The following FAM53B variants were observed in gnomAD, a reference collection of about 807,000 sequenced individuals.
FAM53B encodes family with sequence similarity 53 member B.
Under a neutral mutation model 32.7 loss-of-function variants are expected in FAM53B, and 12 were observed. The ratio of observed to expected loss-of-function variants is 0.37; its 90% CI spans 0.24 to 0.59. FAM53B has a LOEUF of 0.59. FAM53B is among the 20% of genes least tolerant of loss of function. The probability of loss-of-function intolerance (pLI) is 0.72; values close to 1 mark genes in which losing one functional copy is unlikely to be tolerated. For missense variants in FAM53B, 477 were observed against 577.7 expected, an observed-to-expected ratio of 0.83 and a Z score of 1.79; for synonymous variants, 234 against 228.7, an observed-to-expected ratio of 1.02 and a Z score of -0.21.
intron 4 of FAM53B, among the ~76,000 whole-genome samples, chr10:124,664,450 G>A (rs1949655707): frequency 6.6e-6 from 1 of 152,238 alleles, no homozygotes; most frequent in African/African-American, 2.4e-5. Context: ...GGGCCGGGAA[G>A]GCAGAGACCT....
At chr10:124,700,559 A>G (rs1440771669) in intron 2 of FAM53B, among the ~76,000 whole-genome samples, 1 of 152,122 alleles carries the variant, frequency 6.6e-6, no homozygotes, top group East Asian at 1.9e-4. Flanking sequence ...CGTCTCTGTG[A>G]GACTCCTCAG....
At chr10:124,712,551 G>A (rs532197910) in intron 1 of FAM53B, among the ~76,000 whole-genome samples, 1 of 151,990 alleles carries the variant, frequency 6.6e-6, no homozygotes, top group Non-Finnish European at 1.5e-5. Context: ...CTTGCATCTC[G>A]GCTGCAGTTT....
At chr10:124,692,714 C>CAAAAAA (rs5788679) in intron 3 of FAM53B, among the ~76,000 whole-genome samples, 12 of 69,042 alleles carry the variant, frequency 1.7e-4, no homozygotes, top group African/African-American at 4.6e-4. Flanking sequence ...TACTCCATCT[C>CAAAAAA]AAAAAAAAAA....
chr10:124,654,238 C>T (rs1244129106), intron 4 of FAM53B, among the ~76,000 whole-genome samples: 1 of 152,254 alleles, frequency 6.6e-6, no homozygotes, highest in Non-Finnish European at 1.5e-5. Context: ...CGATTGTCAT[C>T]GTCATGCAAC....
At chr10:124,669,527 A>G (rs1949694094) in intron 4 of FAM53B, among the ~76,000 whole-genome samples, 1 of 152,204 alleles carries the variant, frequency 6.6e-6, no homozygotes, top group African/African-American at 2.4e-5. Context: ...AGGATGTGGT[A>G]AGTAACAGCC....
At chr10:124,684,216 A>C (rs1421741677) in intron 3 of FAM53B, among the ~76,000 whole-genome samples, 1 of 152,276 alleles carries the variant, frequency 6.6e-6, no homozygotes. Flanking sequence ...AGCCCAGGCA[A>C]GCCAGCTGCA....
intron 4 of FAM53B, among the ~76,000 whole-genome samples, chr10:124,648,694 G>A (rs1949536624): frequency 6.6e-6 from 1 of 152,288 alleles, no homozygotes; most frequent in Non-Finnish European, 1.5e-5. Flanking sequence ...TTGCAGATGA[G>A]CAAACAGGCT....
intron 4 of FAM53B, among the ~76,000 whole-genome samples, chr10:124,625,841 C>G (rs1311711264): frequency 1.3e-5 from 2 of 152,236 alleles, no homozygotes; most frequent in African/African-American, 4.8e-5. Context: ...GCTGCCCCGA[C>G]AGAGGAGGCC....
At chr10:124,727,121 C>A (rs1270161418) in intron 1 of FAM53B, among the ~76,000 whole-genome samples, 3 of 152,082 alleles carry the variant, frequency 2.0e-5, no homozygotes, top group African/African-American at 7.2e-5. Flanking sequence ...CAGGCTCAAG[C>A]GATCCTCCCG....
chr10:124,712,199 T>C (rs1950008940), intron 1 of FAM53B, among the ~76,000 whole-genome samples: 1 of 151,890 alleles, frequency 6.6e-6, no homozygotes, highest in Non-Finnish European at 1.5e-5. Flanking sequence ...TACTAAAAAA[T>C]GCAAAAATTA....
intron 4 of FAM53B, among the ~76,000 whole-genome samples, chr10:124,676,315 C>T (rs1949736047): frequency 6.6e-6 from 1 of 152,208 alleles, no homozygotes; most frequent in South Asian, 2.1e-4. Context: ...CCTCTGAATT[C>T]CTCTACTTGC....
intron 1 of FAM53B, among the ~76,000 whole-genome samples, chr10:124,724,537 A>G (rs1300808056): frequency 6.6e-6 from 1 of 152,198 alleles, no homozygotes; most frequent in Non-Finnish European, 1.5e-5. Flanking sequence ...CAGGCAAACA[A>G]GCTGAGCTAT....
At chr10:124,667,736 C>T (rs531819766) in intron 4 of FAM53B, among the ~76,000 whole-genome samples, 1 of 152,232 alleles carries the variant, frequency 6.6e-6, no homozygotes, top group Non-Finnish European at 1.5e-5. Flanking sequence ...AATAATGCCT[C>T]CAGAAATGCC....
intron 4 of FAM53B, among the ~76,000 whole-genome samples, chr10:124,659,863 A>G (rs1167436291): frequency 6.6e-6 from 1 of 152,244 alleles, no homozygotes; most frequent in East Asian, 1.9e-4. Context: ...CTGGAGTGCC[A>G]TGGCACAATC....
chr10:124,704,128 G>A (rs977115386), intron 2 of FAM53B: 3 of 152,296 alleles, frequency 2.0e-5, no homozygotes, highest in African/African-American at 7.2e-5. Flanking sequence ...ACCTCCAGAT[G>A]GCTCCTCACC....
chr10:124,623,078 G>A lies in FAM53B; in HGVS notation c.*164C>T, dbSNP rs867430464. On this transcript the variant is annotated 3_prime_UTR_variant, in exon 5 of 5. Transcript: ENST00000337318. ...CCGCTGTATGACGCGGCCAGGCCAG[G>A]CTCTCCCCCAGGCAGCAGGTGGGCT... is the stretch of plus-strand genomic sequence containing the variant. 3.2e-6 allele frequency: 3 copies of A among 929,416 alleles called. No homozygotes were observed. Among genetic ancestry groups the A allele is most frequent in the Middle Eastern group, 7.1e-4 (2 of 2,820 alleles). The allele number at this position is 929,416 out of a possible 1,614,324, so 57.6% of individuals were successfully genotyped here. A position where few individuals can be genotyped will look rare whatever the true frequency, so the allele number is the denominator to read the frequency against.
At chr10:124,725,892 A>G (rs1950099640) in intron 1 of FAM53B, among the ~76,000 whole-genome samples, 1 of 152,150 alleles carries the variant, frequency 6.6e-6, no homozygotes, top group South Asian at 2.1e-4. Context: ...CGAGCCTCAT[A>G]TGCCAGGCAG....
At chr10:124,659,528 GT>G (rs1286094502) in intron 4 of FAM53B, among the ~76,000 whole-genome samples, 3 of 152,240 alleles carry the variant, frequency 2.0e-5, no homozygotes, top group African/African-American at 7.2e-5. Flanking sequence ...GCTGCTGCAG[GT>G]TTCTCAGACA....
chr10:124,623,066 C>G lies in FAM53B; in HGVS notation c.*176G>C. 1 of 803,904 alleles carries G rather than the reference C, an allele frequency of 1.2e-6. No individual in the cohort carries two copies. The highest frequency in any genetic ancestry group is 2.7e-5 in the East Asian group (1 of 36,672). The allele number at this position is 803,904 out of a possible 1,614,324, so 49.8% of individuals were successfully genotyped here. On this transcript the variant is annotated 3_prime_UTR_variant, in exon 5 of 5. Coordinates refer to ENST00000337318, the MANE Select transcript of FAM53B (RefSeq NM_014661.4). ...AGGCTGACACACCCGCTGTATGACGCGGCCAGGCCAGGCTCTCCCCCAGGC... is the reference window on the plus strand; with the variant it reads ...AGGCTGACACACCCGCTGTATGACGGGGCCAGGCCAGGCTCTCCCCCAGGC...
Sources: allele counts gnomAD v4.1 joint callset (sites outside exome capture counted in the v4.1 genomes callset), GRCh38; gene constraint gnomAD v4.1.1; transcripts MANE v1.5; gene names NCBI Gene and HGNC (gene_info 2026-07-23, HGNC 2026-07-21).